Variants in ADAMTS3 observed in about 807,000 individuals in gnomAD.
The protein encoded by ADAMTS3 is A disintegrin and metalloproteinase with thrombospondin motifs 3.
A neutral mutation model predicts 129.0 loss-of-function variants in ADAMTS3; 73 were observed. That is an observed-to-expected ratio of 0.57 (90% CI 0.47 to 0.69). The LOEUF (loss-of-function observed/expected upper bound fraction) is 0.69. Ranked by LOEUF, ADAMTS3 falls within the 30% of genes least tolerant of loss-of-function variation. The pLI is 0.00. For synonymous variants in ADAMTS3, 477 were observed against 510.8 expected (o/e 0.93, Z 0.89); for missense variants, 1,457 against 1,514.5 (o/e 0.96, Z 0.63).
intron 6 of ADAMTS3, among the ~76,000 whole-genome samples, chr4:72,322,481 G>A (rs1347769253): frequency 6.6e-6 from 1 of 152,038 alleles, no homozygotes; most frequent in South Asian, 2.1e-4. Flanking sequence ...AAAAATTAAA[G>A]CTCTTTTAAA....
At chr4:72,518,749 T>A (rs1442495350) in intron 3 of ADAMTS3, among the ~76,000 whole-genome samples, 1 of 151,120 alleles carries the variant, frequency 6.6e-6, no homozygotes, top group East Asian at 1.9e-4. Flanking sequence ...ATGAGATGGG[T>A]TTCCTGAATA....
At position 72,390,133 on chromosome 4, in the gene ADAMTS3, T is replaced by C. The variant is rs567581140; in HGVS notation, c.661+24682A>G. Among the ~76,000 whole-genome samples the C allele has an allele frequency of 1.1e-4, 17 of 152,262 alleles. No individual in the cohort carries two copies. The South Asian group carries it at 3.5e-3, about 32-fold the overall frequency. The stretch of plus-strand genomic sequence containing the variant: ...ATCTCAAGTGTACTAGAGGGGCAAA[T>C]GTCTTTAAACTACATTTAAATAAGT... On this transcript the variant is annotated intron_variant, in intron 4 of 21. Transcript: ENST00000286657.
Position 72,283,393 on chromosome 4 carries a change from T to C in ADAMTS3, c.3361A>G (p.Asn1121Asp). 1 of 1,613,798 alleles carries C rather than the reference T, an allele frequency of 6.2e-7. No individual in the cohort carries two copies. The highest frequency in any genetic ancestry group is 8.5e-7 in the Non-Finnish European group (1 of 1,179,748). ...AAATTAGCACCATCAGGTTTACTGT[T>C]TGGCCTGAAAGCAGCATATGCATTT... ...GPNAYAAFRP[N>D]SKPDGANLRQ... The change falls in exon 22 of 22, where the codon AAC (asparagine) becomes GAC (aspartate). Residue 1121 changes from asparagine to aspartate, a missense_variant. Physicochemically the swap from Asn to Asp is conservative, Grantham distance 23. Transcript: ENST00000286657.
chr4:72,282,957 C>A lies in ADAMTS3; in HGVS notation c.*179G>T, dbSNP rs1021176923. The A allele has an allele frequency of 3.7e-6, 2 of 535,240 alleles. No homozygotes were observed. Among genetic ancestry groups the A allele is most frequent in the African/African-American group, 1.9e-5 (1 of 52,302 alleles). 33.2% of individuals were successfully genotyped at this position (535,240 alleles called of 1,614,324 possible). A position where few individuals can be genotyped will look rare whatever the true frequency, so the allele number is the denominator to read the frequency against. On this transcript the variant is annotated 3_prime_UTR_variant, in exon 22 of 22. Transcript: ENST00000286657. ...ATGAATTCTGGTAAATGAGTCAATG[C>A]AGAACAAAAGGAGGATGAAAGCAAC...
chr4:72,462,919 C>T lies in ADAMTS3; in HGVS notation c.505-47948G>A, dbSNP rs560884561. Among the ~76,000 whole-genome samples the T allele has an allele frequency of 1.6e-4, 25 of 151,890 alleles. No homozygotes were observed. The South Asian group carries it at 5.0e-3, about 30-fold the overall frequency. On this transcript the variant is annotated intron_variant, in intron 3 of 21. Coordinates refer to ENST00000286657, the MANE Select transcript of ADAMTS3 (RefSeq NM_014243.3). ...ATAAATTTAGTGTAGCCTAAGTGTA[C>T]GGTGTTTATGAAGTCTAGAGGAGTG...
intron 3 of ADAMTS3, among the ~76,000 whole-genome samples, chr4:72,500,858 A>G (rs1488270366): frequency 6.6e-6 from 1 of 152,136 alleles, no homozygotes. Context: ...AGCACCATTT[A>G]TTAAATAGGG....
At chr4:72,367,576 T>C (rs959717613) in intron 4 of ADAMTS3, among the ~76,000 whole-genome samples, 3 of 152,140 alleles carry the variant, frequency 2.0e-5, no homozygotes, top group African/African-American at 7.2e-5. Context: ...ATTTAAAATA[T>C]ACATTTTTAA....
At chr4:72,560,724 G>A (rs954703695) in intron 2 of ADAMTS3, among the ~76,000 whole-genome samples, 1 of 152,138 alleles carries the variant, frequency 6.6e-6, no homozygotes, top group Non-Finnish European at 1.5e-5. Context: ...AGGAAAAATA[G>A]CTAATACATG....
intron 5 of ADAMTS3, 49 bp from the exon 6 acceptor site, chr4:72,323,146 T>G: frequency 7.0e-7 from 1 of 1,429,712 alleles, no homozygotes; most frequent in South Asian, 1.1e-5. Context: ...CACCGAGGAT[T>G]TCATGAGATG....
rs199788192 is a variant in ADAMTS3, at chr4:72,507,779, T to C, written c.504+40699A>G. Among the ~76,000 whole-genome samples, 476 of 152,274 alleles carry C rather than the reference T, an allele frequency of 3.1e-3. 5 individuals are homozygous for C. The highest frequency in any genetic ancestry group is 0.011 in the African/African-American group (463 of 41,574). ...ATAAAATCAAGAGCCACTCTTGTGTTTATCCTGTTAGCCTAACAAAACCCT... is the reference window on the plus strand; with the variant it reads ...ATAAAATCAAGAGCCACTCTTGTGTCTATCCTGTTAGCCTAACAAAACCCT... On this transcript the variant is annotated intron_variant, in intron 3 of 21. Transcript: ENST00000286657.
intron 4 of ADAMTS3, among the ~76,000 whole-genome samples, chr4:72,372,075 A>G (rs1022954769): frequency 1.3e-5 from 2 of 152,140 alleles, no homozygotes; most frequent in African/African-American, 4.8e-5. Context: ...TTTTGAACTG[A>G]AGAATATTAG....
intron 5 of ADAMTS3, among the ~76,000 whole-genome samples, chr4:72,338,167 T>A (rs1428491048): frequency 6.6e-6 from 1 of 152,110 alleles, no homozygotes; most frequent in South Asian, 2.1e-4. Flanking sequence ...TTTTTCTCAA[T>A]ATGCCGATAA....
chr4:72,458,717 TG>T (rs1401958383), intron 3 of ADAMTS3, among the ~76,000 whole-genome samples: 1 of 151,524 alleles, frequency 6.6e-6, no homozygotes. Context: ...GCCCTCTCCA[TG>T]GTCCTCAGGC....
At chr4:72,431,291 A>G (rs2109946508) in intron 3 of ADAMTS3, among the ~76,000 whole-genome samples, 1 of 152,114 alleles carries the variant, frequency 6.6e-6, no homozygotes. Flanking sequence ...ACTGCGGATA[A>G]TACGTGAGGA....
At chr4:72,347,145 G>A (rs1010309239) in intron 4 of ADAMTS3, among the ~76,000 whole-genome samples, 60 of 152,038 alleles carry the variant, frequency 3.9e-4, no homozygotes, top group South Asian at 4.1e-4. Flanking sequence ...GGAAAGTGGA[G>A]ACTACTAATA....
chr4:72,319,271 T>A, intron 9 of ADAMTS3, 61 bp downstream of exon 9: 2 of 1,586,198 alleles, frequency 1.3e-6, no homozygotes, highest in South Asian at 2.3e-5. Context: ...GTCCTAAGAG[T>A]CAGTTTCATG....
intron 3 of ADAMTS3, among the ~76,000 whole-genome samples, chr4:72,425,524 C>A (rs1722549292): frequency 6.6e-6 from 1 of 152,090 alleles, no homozygotes; most frequent in South Asian, 2.1e-4. Context: ...GTGATGTTCC[C>A]CTTCCTGTGT....
rs749172569 is a variant in ADAMTS3, at chr4:72,548,697, T to C, written c.285A>G (p.Leu95=). ...TAFGKDFHLR[L]KPNTQLVAPG... ...GAGCTACTAGTTGAGTGTTGGGCTT[T>C]AGTCGCAGATGAAAATCTTTTCCAA... Residue 95 remains leucine, a synonymous_variant, in exon 3 of 22, where the codon CTA becomes CTG. Transcript: ENST00000286657. The C allele has an allele frequency of 5.6e-6, 9 of 1,613,874 alleles. No homozygotes were observed. The highest frequency in any genetic ancestry group is 5.5e-5 in the South Asian group (5 of 91,082).
chr4:72,320,193 G>C (rs2109808048), intron 7 of ADAMTS3, among the ~76,000 whole-genome samples: 1 of 152,244 alleles, frequency 6.6e-6, no homozygotes, highest in African/African-American at 2.4e-5. Flanking sequence ...GGAATGGCCT[G>C]GGGTTACCAT....
Sources: gnomAD v4.1 joint callset for allele counts (sites outside exome capture counted in the v4.1 genomes callset) on GRCh38, gnomAD v4.1.1 for gene constraint, MANE v1.5 for transcripts, NCBI Gene and HGNC (gene_info 2026-07-23, HGNC 2026-07-21) for gene names.